Variants in MYO1B observed in about 807,000 individuals in gnomAD.
MYO1B encodes unconventional myosin-Ib.
A neutral mutation model predicts 159.7 loss-of-function variants in MYO1B; 72 were observed. The observed-to-expected ratio is 0.45, with a 90% CI of 0.37 to 0.55. The LOEUF (loss-of-function observed/expected upper bound fraction) is 0.55. Among genes scored for constraint, MYO1B ranks in the 20% least tolerant of loss-of-function variants. The pLI is 0.00. For missense variants in MYO1B, 1,062 were observed against 1,364.8 expected, an observed-to-expected ratio of 0.78 and a Z score of 3.50; for synonymous variants, 468 against 473.8, an observed-to-expected ratio of 0.99 and a Z score of 0.16.
At chr2:191,387,520 T>C in intron 17 of MYO1B, 70 bp downstream of exon 17, 1 of 1,390,278 alleles carries the variant, frequency 7.2e-7, no homozygotes, top group East Asian at 2.3e-5. Flanking sequence ...ATTTTTCCCT[T>C]TGCTTCAATC....
chr2:191,373,707 G>A (rs1371625814), intron 13 of MYO1B, among the ~76,000 whole-genome samples: 1 of 152,088 alleles, frequency 6.6e-6, no homozygotes, highest in South Asian at 2.1e-4. Flanking sequence ...CCTGGGAGGC[G>A]GTTTTTACTC....
At chr2:191,406,708 A>C (rs1307501115) in intron 24 of MYO1B, among the ~76,000 whole-genome samples, 1 of 152,188 alleles carries the variant, frequency 6.6e-6, no homozygotes, top group South Asian at 2.1e-4. Flanking sequence ...ATATTGTGAG[A>C]ATTATCAAAA....
At chr2:191,335,296 T>G (rs927672694) in intron 4 of MYO1B, among the ~76,000 whole-genome samples, 2 of 152,180 alleles carry the variant, frequency 1.3e-5, no homozygotes, top group South Asian at 2.1e-4. Flanking sequence ...GTTTGCTGAC[T>G]TACTCTATTT....
intron 1 of MYO1B, among the ~76,000 whole-genome samples, chr2:191,276,147 G>A (rs904428298): frequency 1.3e-5 from 2 of 152,162 alleles, no homozygotes; most frequent in Non-Finnish European, 2.9e-5. Context: ...AATTAAAAAC[G>A]TAGAGGCCAC....
chr2:191,275,567 T>C (rs112383535), intron 1 of MYO1B, among the ~76,000 whole-genome samples: 2,330 of 152,324 alleles, frequency 0.015, 31 homozygotes, highest in Non-Finnish European at 0.025. Context: ...GGGGGACATT[T>C]GTTTAAGTTG....
chr2:191,330,972 T>C (rs572104754), intron 4 of MYO1B, among the ~76,000 whole-genome samples: 14 of 152,322 alleles, frequency 9.2e-5, no homozygotes, highest in Admixed American at 2.0e-4. Context: ...ACTGACTGAA[T>C]CCATTTTATT....
intron 26 of MYO1B, 77 bp from the exon 27 acceptor site, chr2:191,410,989 G>A: frequency 1.2e-6 from 1 of 818,546 alleles, no homozygotes; most frequent in Non-Finnish European, 1.9e-6. Context: ...CTGATAAATT[G>A]TCTTAGCATA....
intron 3 of MYO1B, among the ~76,000 whole-genome samples, chr2:191,319,765 T>C (rs183550697): frequency 1.3e-5 from 2 of 152,280 alleles, no homozygotes; most frequent in Non-Finnish European, 2.9e-5. Flanking sequence ...CTTTGAACCA[T>C]AGTTTTGGGG....
intron 2 of MYO1B, among the ~76,000 whole-genome samples, chr2:191,292,287 A>G (rs137895177): frequency 2.0e-4 from 30 of 152,310 alleles, no homozygotes; most frequent in African/African-American, 7.0e-4. Flanking sequence ...GATTTATTCT[A>G]TGCCAAATAT....
chr2:191,407,110 G>C (rs1044872921), intron 24 of MYO1B, among the ~76,000 whole-genome samples: 1 of 152,182 alleles, frequency 6.6e-6, no homozygotes, highest in Admixed American at 6.5e-5. Flanking sequence ...AGTGTTGCTA[G>C]ATCTTAGACA....
chr2:191,411,856 T>C (rs976465182), intron 27 of MYO1B, among the ~76,000 whole-genome samples: 1 of 152,210 alleles, frequency 6.6e-6, no homozygotes, highest in Non-Finnish European at 1.5e-5. Flanking sequence ...AGCAATCTAA[T>C]CCCATTTTCA....
intron 1 of MYO1B, among the ~76,000 whole-genome samples, chr2:191,260,252 G>A: frequency 4.4e-5 from 1 of 22,634 alleles, no homozygotes; most frequent in Admixed American, 1.4e-3. Context: ...TTCCCAGATA[G>A]GCTTTTTTTT....
chr2:191,334,943 T>C (rs777532102), intron 4 of MYO1B, among the ~76,000 whole-genome samples: 1 of 152,190 alleles, frequency 6.6e-6, no homozygotes, highest in Non-Finnish European at 1.5e-5. Context: ...AAAGCCTACT[T>C]GCATGTGTAG....
intron 1 of MYO1B, among the ~76,000 whole-genome samples, chr2:191,252,480 A>G (rs1686181223): frequency 6.6e-6 from 1 of 152,252 alleles, no homozygotes; most frequent in African/African-American, 2.4e-5. Flanking sequence ...ACTGAAATTC[A>G]TCTTGAATTG....
chr2:191,275,047 C>T (rs1687665519), intron 1 of MYO1B, among the ~76,000 whole-genome samples: 1 of 152,074 alleles, frequency 6.6e-6, no homozygotes. Context: ...GCTGGGATTA[C>T]AGGCACTGCC....
chr2:191,362,546 C>A (rs999088079), intron 9 of MYO1B, among the ~76,000 whole-genome samples, 175 bp downstream of exon 9: 3 of 152,142 alleles, frequency 2.0e-5, no homozygotes, highest in Non-Finnish European at 4.4e-5. Flanking sequence ...AAAAATCACA[C>A]AAGATTGTGA....
At position 191,313,192 on chromosome 2, in the gene MYO1B, CTTTTTTTTTTTTTTT is replaced by C. The variant is rs762175060; in HGVS notation, c.252-16722_252-16708del. On this transcript the variant is annotated intron_variant, in intron 3 of 30. Coordinates refer to ENST00000392318, the MANE Select transcript of MYO1B (RefSeq NM_001130158.3). ...TAGTTATAATATCTGGCACACATGGCTTTTTTTTTTTTTTTTTTTTTTTTTTTTTTTTTTTGAGAC... is the reference window on the plus strand; with the variant it reads ...TAGTTATAATATCTGGCACACATGGCTTTTTTTTTTTTTTTTTTTTGAGAC... Among the ~76,000 whole-genome samples the C allele has an allele frequency of 2.3e-4, 10 of 43,008 alleles. No homozygotes were observed. In the South Asian group the frequency reaches 0.014, roughly 59 times the overall value. 28.2% of individuals were successfully genotyped at this position (43,008 alleles called of 152,430 possible). A position where few individuals can be genotyped will look rare whatever the true frequency, so the allele number is the denominator to read the frequency against.
At chr2:191,405,327 A>G (rs1696853803) in intron 24 of MYO1B, among the ~76,000 whole-genome samples, 1 of 152,170 alleles carries the variant, frequency 6.6e-6, no homozygotes, top group African/African-American at 2.4e-5. Context: ...CCTCCACTAA[A>G]GTTGTGAGCC....
chr2:191,269,317 T>A (rs1687323828), intron 1 of MYO1B, among the ~76,000 whole-genome samples: 1 of 152,246 alleles, frequency 6.6e-6, no homozygotes, highest in Non-Finnish European at 1.5e-5. Context: ...TGATGTAGCA[T>A]GTATCAGGAT....
Sources: allele counts gnomAD v4.1 joint callset (sites outside exome capture counted in the v4.1 genomes callset), GRCh38; gene constraint gnomAD v4.1.1; transcripts MANE v1.5; gene names NCBI Gene and HGNC (gene_info 2026-07-23, HGNC 2026-07-21).